CACNG8: variants seen among roughly 807,000 people sequenced by gnomAD.
CACNG8 encodes voltage-dependent calcium channel gamma-8 subunit.
CACNG8 carries 5 observed loss-of-function variants against 26.9 expected under a neutral mutation model. The observed-to-expected ratio is 0.19, with a 90% CI of 0.10 to 0.39. CACNG8 has a LOEUF of 0.39. Ranked by LOEUF, CACNG8 falls within the 10% of genes least tolerant of loss-of-function variation. CACNG8 has a pLI of 1.00. For missense variants in CACNG8, 473 were observed against 609.4 expected (o/e 0.78, Z 2.36); for synonymous variants, 321 against 296.7 (o/e 1.08, Z -0.84).
chr19:53,982,132 G>C lies in CACNG8; in HGVS notation c.561G>C (p.Glu187Asp). 1 of 1,610,494 alleles carries C rather than the reference G, an allele frequency of 6.2e-7. No homozygotes were observed. The highest frequency in any genetic ancestry group is 1.1e-5 in the South Asian group (1 of 90,588). Reference sequence around the variant, plus strand: ...TGTACATCTCCGCCAACGCGGGCGAGCCGGGCCCGAAGCGGGACGAGGAGA... The same window carrying C: ...TGTACATCTCCGCCAACGCGGGCGACCCGGGCCCGAAGCGGGACGAGGAGA... Residue 187 changes from glutamate (E) to aspartate (D), a missense_variant, in exon 4 of 4, where the codon GAG (glutamate) becomes GAC (aspartate). Glu to Asp is a conservative substitution (Grantham distance 45). Transcript: ENST00000270458. This position sits in a 1 kb window ranked among gnomAD's most constrained non-coding sequence, Gnocchi z 8.4.
At position 53,982,851 on chromosome 19, in the gene CACNG8, G is replaced by C. The variant is rs2069382170; in HGVS notation, c.*2G>C. 1.5e-6 allele frequency: 2 copies of C among 1,314,488 alleles called. No homozygotes were observed. Among genetic ancestry groups the C allele is most frequent in the Non-Finnish European group, 1.9e-6 (2 of 1,029,610 alleles). The allele number at this position is 1,314,488 out of a possible 1,614,324, so 81.4% of individuals were successfully genotyped here. ...AACAGGAAAACCACGCCTGTGTAGG[G>C]GCGCGGCGGGGGAGCCGAGGGGCGT... On this transcript the variant is annotated 3_prime_UTR_variant, in exon 4 of 4. Coordinates refer to ENST00000270458, the MANE Select transcript of CACNG8 (RefSeq NM_031895.6). This position sits in a 1 kb window ranked among gnomAD's most constrained non-coding sequence, Gnocchi z 8.4.
At chr19:53,967,923 C>T (rs908691039) in intron 1 of CACNG8, among the ~76,000 whole-genome samples, 6 of 152,012 alleles carry the variant, frequency 3.9e-5, no homozygotes, top group Non-Finnish European at 8.8e-5. Context: ...ATTAAAAACA[C>T]ATAAAACCCA....
At chr19:53,980,102 G>C in intron 3 of CACNG8, 95 bp downstream of exon 3, 1 of 1,308,898 alleles carries the variant, frequency 7.6e-7, no homozygotes, top group Non-Finnish European at 1.0e-6. Context: ...GCGCGCGTGA[G>C]TGCAAGTGCG....
chr19:53,982,241 G>A lies in CACNG8; in HGVS notation c.670G>A (p.Val224Ile). Reference sequence around the variant, plus strand: ...GGCCGAGGTGATAGGCGTGCTGGCCGTCAACATCTACATCGAGCGCAGCCG... The same window carrying A: ...GGCCGAGGTGATAGGCGTGCTGGCCATCAACATCTACATCGAGCGCAGCCG... Residue 224 changes from valine to isoleucine, a missense_variant, in exon 4 of 4, where the codon GTC becomes ATC. Coordinates refer to ENST00000270458, the MANE Select transcript of CACNG8 (RefSeq NM_031895.6). The surrounding 1 kb of genome is among the most constrained non-coding windows in gnomAD (Gnocchi z 8.4). 1 of 1,612,898 alleles carries A rather than the reference G, an allele frequency of 6.2e-7. No individual in the cohort carries two copies.
At chr19:53,980,063 T>TGA in intron 3 of CACNG8, 56 bp downstream of exon 3, 1 of 957,680 alleles carries the variant, frequency 1.0e-6, no homozygotes. Context: ...CGCACGTGTG[T>TGA]GTGTGTGTGT....
Position 53,984,379 on chromosome 19 carries a change from G to A in CACNG8, c.*1530G>A, listed in dbSNP as rs758948954. 6.6e-6 allele frequency: 1 copy of A among 152,272 alleles called. No individual in the cohort carries two copies. The allele number at this position is 152,272 out of a possible 1,614,324, so 9.4% of individuals were successfully genotyped here. A position where few individuals can be genotyped will look rare whatever the true frequency, so the allele number is the denominator to read the frequency against. On this transcript the variant is annotated 3_prime_UTR_variant, in exon 4 of 4. Coordinates refer to ENST00000270458, the MANE Select transcript of CACNG8 (RefSeq NM_031895.6). The stretch of plus-strand genomic sequence containing the variant: ...GACCACCGTGGGTACCGTGGCACAC[G>A]GTGGACAGAGTGACCAACTGCCAGG...
In CACNG8 at chr19:53,982,388, C is replaced by CGCTCCCGCTCTA; in HGVS notation, c.828_839dup (p.Ser278_Ser281dup). The CGCTCCCGCTCTA allele has an allele frequency of 2.6e-6, 4 of 1,529,048 alleles. No individual in the cohort carries two copies. The highest frequency in any genetic ancestry group is 1.2e-5 in the South Asian group (1 of 83,118). The allele number at this position is 1,529,048 out of a possible 1,614,324, so 94.7% of individuals were successfully genotyped here. On this transcript the variant is annotated inframe_insertion, in exon 4 of 4. Transcript: ENST00000270458. This position sits in a 1 kb window ranked among gnomAD's most constrained non-coding sequence, Gnocchi z 8.4. ...CAGTTACCGCTTCCGCTACCGCCGC[C>CGCTCCCGCTCTA]GCTCCCGCTCTAGCTCCCGCTCCAG... is the stretch of plus-strand genomic sequence containing the variant.
intron 2 of CACNG8, among the ~76,000 whole-genome samples, chr19:53,979,112 T>G (rs539558650): frequency 1.0e-5 from 1 of 99,672 alleles, no homozygotes; most frequent in African/African-American, 4.0e-5. Flanking sequence ...GAAAAAGTTG[T>G]GGGTGGGGGT....
In CACNG8 at chr19:53,984,693, G is replaced by T. The variant is rs1005315614; in HGVS notation, c.*1844G>T. ...TGGCCGGGCGCGGTGGCTCATGCCT[G>T]TAATCCCAGCGCTTTGGGAGGCTGA... On this transcript the variant is annotated 3_prime_UTR_variant, in exon 4 of 4. Transcript: ENST00000270458. The T allele has an allele frequency of 6.6e-6, 1 of 152,456 alleles. No individual in the cohort carries two copies. The highest frequency in any genetic ancestry group is 2.4e-5 in the African/African-American group (1 of 41,426). 9.4% of individuals were successfully genotyped at this position (152,456 alleles called of 1,614,324 possible). A position where few individuals can be genotyped will look rare whatever the true frequency, so the allele number is the denominator to read the frequency against.
At chr19:53,978,108 A>C (rs749129070) in intron 1 of CACNG8, 38 bp from the exon 2 acceptor site, 9 of 1,479,664 alleles carry the variant, frequency 6.1e-6, no homozygotes, top group Non-Finnish European at 8.4e-6. Flanking sequence ...CCAACCCTGA[A>C]GTATCCGCCC....
chr19:53,977,598 A>C (rs1376758938), intron 1 of CACNG8, among the ~76,000 whole-genome samples: 4 of 152,042 alleles, frequency 2.6e-5, no homozygotes, highest in Non-Finnish European at 5.9e-5. Context: ...CCCCATCCCC[A>C]CAGGACTAGA....
intron 3 of CACNG8, among the ~76,000 whole-genome samples, chr19:53,981,689 G>A (rs951224798): frequency 1.3e-5 from 2 of 152,092 alleles, no homozygotes; most frequent in Admixed American, 1.3e-4. Context: ...CTGAGGGGGT[G>A]CTTGAGCCTG....
chr19:53,975,858 C>T (rs905295842), intron 1 of CACNG8, among the ~76,000 whole-genome samples: 2 of 152,168 alleles, frequency 1.3e-5, no homozygotes, highest in Non-Finnish European at 2.9e-5. Context: ...TCAGTTTCCA[C>T]GTTTGGGTAA....
At chr19:53,979,438 T>G (rs2069350772) in intron 2 of CACNG8, among the ~76,000 whole-genome samples, 2 of 147,030 alleles carry the variant, frequency 1.4e-5, no homozygotes, top group African/African-American at 5.1e-5. Flanking sequence ...AGGCAGAAAA[T>G]GGGAGGGGGT....
rs553445731 is a variant in CACNG8 at position 53,963,066 on chromosome 19, C to G, written c.-77C>G. On this transcript the variant is annotated 5_prime_UTR_variant, in exon 1 of 4. Transcript: ENST00000270458. Reference sequence around the variant, plus strand: ...CCCGCTTCTGCCTGCGCTGTGAACCCCCCCCCAGCCGCCGGCACGGCCCCG... The same window carrying G: ...CCCGCTTCTGCCTGCGCTGTGAACCGCCCCCCAGCCGCCGGCACGGCCCCG... 85 of 904,678 alleles carry G rather than the reference C, an allele frequency of 9.4e-5. No individual in the cohort carries two copies. The highest frequency in any genetic ancestry group is 1.6e-4 in the African/African-American group (9 of 56,584). The allele number at this position is 904,678 out of a possible 1,614,324, so 56.0% of individuals were successfully genotyped here.
rs1185333248 is a variant in CACNG8 at position 53,989,478 on chromosome 19, G to GC, written c.*6630dup. ...AAGCAACGTGGAGACTCAGAAGCAA[G>GC]CACAGCATCAAGGAATGATCAATAA... On this transcript the variant is annotated 3_prime_UTR_variant, in exon 4 of 4. Transcript: ENST00000270458. The GC allele has an allele frequency of 1.3e-5, 2 of 152,554 alleles. No individual in the cohort carries two copies. The highest frequency in any genetic ancestry group is 4.8e-5 in the African/African-American group (2 of 41,360). The allele number at this position is 152,554 out of a possible 1,614,324, so 9.5% of individuals were successfully genotyped here. A position where few individuals can be genotyped will look rare whatever the true frequency, so the allele number is the denominator to read the frequency against.
chr19:53,968,977 G>A (rs1205025019), intron 1 of CACNG8, among the ~76,000 whole-genome samples: 1 of 152,020 alleles, frequency 6.6e-6, no homozygotes, highest in East Asian at 1.9e-4. Flanking sequence ...CAATAACCCT[G>A]CAAAGTAGGT....
rs536557888 is a variant in CACNG8 at position 53,989,062 on chromosome 19, G to A, written c.*6213G>A. 5 of 152,374 alleles carry A rather than the reference G, an allele frequency of 3.3e-5. No homozygotes were observed. The highest frequency in any genetic ancestry group is 1.2e-4 in the African/African-American group (5 of 41,582). The allele number at this position is 152,374 out of a possible 1,614,324, so 9.4% of individuals were successfully genotyped here. A position where few individuals can be genotyped will look rare whatever the true frequency, so the allele number is the denominator to read the frequency against. On this transcript the variant is annotated 3_prime_UTR_variant, in exon 4 of 4. Coordinates refer to ENST00000270458, the MANE Select transcript of CACNG8 (RefSeq NM_031895.6). The stretch of plus-strand genomic sequence containing the variant: ...ACAGGAGGATTGCTTGAGGCTTGGC[G>A]TTTGAGACCAGCCTGGGCAATATAG...
At chr19:53,981,481 T>C (rs2069367968) in intron 3 of CACNG8, among the ~76,000 whole-genome samples, 1 of 151,684 alleles carries the variant, frequency 6.6e-6, no homozygotes, top group Non-Finnish European at 1.5e-5. Context: ...GAGTGGGGTT[T>C]ATGCCATGTG....
Sources: allele counts gnomAD v4.1 joint callset (sites outside exome capture counted in the v4.1 genomes callset), GRCh38; gene constraint gnomAD v4.1.1; non-coding constraint Gnocchi (gnomAD v3.1); transcripts MANE v1.5; gene names NCBI Gene and HGNC (gene_info 2026-07-23, HGNC 2026-07-21).